The following CPLANE1 variants were observed in gnomAD, a reference collection of about 807,000 sequenced individuals.
CPLANE1 encodes the protein ciliogenesis and planar polarity effector 1.
A neutral mutation model predicts 362.5 loss-of-function variants in CPLANE1; 263 were observed. The observed-to-expected ratio is 0.73, with a 90% CI of 0.66 to 0.80. CPLANE1 has a LOEUF of 0.80. Ranked by LOEUF, CPLANE1 falls within the 30% of genes least tolerant of loss-of-function variation. The probability of loss-of-function intolerance (pLI) is 0.00; values close to 1 mark genes in which losing one functional copy is unlikely to be tolerated. For missense variants in CPLANE1, 3,461 were observed against 3,793.4 expected (o/e 0.91, Z 2.30); for synonymous variants, 1,212 against 1,302.6 (o/e 0.93, Z 1.50).
At chr5:37,205,662 C>T (rs1790505510) in intron 17 of CPLANE1, among the ~76,000 whole-genome samples, 1 of 152,178 alleles carries the variant, frequency 6.6e-6, no homozygotes, top group African/African-American at 2.4e-5. Context: ...ATTCTTATTT[C>T]TAATTGCTAC....
At chr5:37,160,566 C>CAA (rs777302133) in intron 38 of CPLANE1, among the ~76,000 whole-genome samples, 424 of 98,192 alleles carry the variant, frequency 4.3e-3, no homozygotes, top group Non-Finnish European at 7.2e-3. Flanking sequence ...GACTCCATCT[C>CAA]AAAAAAAAAA....
downstream of CPLANE1, among the ~76,000 whole-genome samples, chr5:37,103,731 G>T (rs1757408514): frequency 6.6e-6 from 1 of 152,204 alleles, no homozygotes; most frequent in African/African-American, 2.4e-5. Context: ...TCCACTGAGA[G>T]ATATGATGTT....
chr5:37,081,646 T>G, the CPLANE1 span, among the ~76,000 whole-genome samples: 13 of 151,808 alleles, frequency 8.6e-5, no homozygotes, highest in Non-Finnish European at 1.9e-4. Context: ...TTAAGGAGAA[T>G]GGAAAGACAA....
chr5:37,202,946 A>G (rs186040231), intron 18 of CPLANE1, among the ~76,000 whole-genome samples: 2 of 150,538 alleles, frequency 1.3e-5, no homozygotes, highest in African/African-American at 4.9e-5. Context: ...TATTTTATAT[A>G]TATATATGTA....
chr5:37,090,026 C>A, the CPLANE1 span, among the ~76,000 whole-genome samples: 2 of 152,248 alleles, frequency 1.3e-5, no homozygotes, highest in East Asian at 3.9e-4. Context: ...AATCATTTAC[C>A]TGAAAAAGTA....
At position 37,153,865 on chromosome 5, in the gene CPLANE1, G is replaced by C. The variant is rs143060853; in HGVS notation, c.8248C>G (p.Gln2750Glu). Residue 2750 changes from glutamine to glutamate, a missense_variant, in exon 42 of 53, where the codon CAA becomes GAA. Coordinates refer to ENST00000651892, the MANE Select transcript of CPLANE1 (RefSeq NM_001384732.1). ...ACPAPSSAAH[Q>E]LEHLSAKLQK... The stretch of plus-strand genomic sequence containing the variant: ...AGCTTAGCACTGAGATGCTCTAGTT[G>C]GTGAGCTGCAGAGCTTGGTGCAGGG... The C allele has an allele frequency of 3.0e-5, 48 of 1,614,090 alleles. No homozygotes were observed. In the East Asian group the frequency reaches 1.0e-3, roughly 34 times the overall value.
intron 29 of CPLANE1, 123 bp downstream of exon 29, chr5:37,179,238 T>C (rs960887552): frequency 7.6e-6 from 5 of 659,772 alleles, no homozygotes; most frequent in African/African-American, 7.3e-5. Context: ...CTACAACCCA[T>C]GGTGCATTTT....
At chr5:37,221,081 A>G (rs1195070245) in intron 15 of CPLANE1, among the ~76,000 whole-genome samples, 3 of 152,224 alleles carry the variant, frequency 2.0e-5, no homozygotes, top group African/African-American at 4.8e-5. Flanking sequence ...TGAGAGTCCA[A>G]AATCCAACAT....
At position 37,160,949 on chromosome 5, in the gene CPLANE1, G is replaced by A. The variant is rs564840710; in HGVS notation, c.7690+1516C>T. Among the ~76,000 whole-genome samples, 3 of 152,234 alleles carry A rather than the reference G, an allele frequency of 2.0e-5. No homozygotes were observed. The East Asian group carries it at 5.8e-4, about 29-fold the overall frequency. ...GCCTCCCAAAGTGCTGGGATTACAG[G>A]CGTGAGCCACCGCGCCCAGCCTATA... On this transcript the variant is annotated intron_variant, in intron 38 of 52. Coordinates refer to ENST00000651892, the MANE Select transcript of CPLANE1 (RefSeq NM_001384732.1).
At position 37,170,104 on chromosome 5, in the gene CPLANE1, C is replaced by G. The variant is rs2150952089; in HGVS notation, c.6399G>C (p.Lys2133Asn). Reference protein sequence around the residue: ...SMGENAREPRKNSPHCHEGTI... With the variant: ...SMGENAREPRNNSPHCHEGTI... ...TTCCTTCATGGCAGTGTGGGCTGTT[C>G]TTGCGAGGCTCTCTGGCGTTCTCTC... is the stretch of plus-strand genomic sequence containing the variant. Residue 2133 changes from lysine (K) to asparagine (N), a missense_variant, in exon 33 of 53, where the codon AAG becomes AAC. This residue lies in a region of CPLANE1 where 3,380 missense variants were observed against 3,666.1 expected (regional missense o/e 0.92). Coordinates refer to ENST00000651892, the MANE Select transcript of CPLANE1 (RefSeq NM_001384732.1). 1.2e-6 allele frequency: 2 copies of G among 1,614,016 alleles called. No individual in the cohort carries two copies.
intron 44 of CPLANE1, chr5:37,140,501 C>G: frequency 1.0e-6 from 1 of 983,658 alleles, no homozygotes; most frequent in African/African-American, 1.7e-5. Flanking sequence ...TAGTTCTACC[C>G]CTTATAGCTT....
In CPLANE1 at chr5:37,170,101, G is replaced by A. The variant is rs1779354610; in HGVS notation, c.6402C>T (p.Asn2134=). The A allele has an allele frequency of 1.2e-6, 2 of 1,614,134 alleles. No homozygotes were observed. Among genetic ancestry groups the A allele is most frequent in the South Asian group, 1.1e-5 (1 of 91,082 alleles). ...TAGTTCCTTCATGGCAGTGTGGGCT[G>A]TTCTTGCGAGGCTCTCTGGCGTTCT... ...MGENAREPRK[N]SPHCHEGTIP... Residue 2134 remains asparagine, a synonymous_variant, in exon 33 of 53, where the codon AAC becomes AAT. Transcript: ENST00000651892.
rs372589075 is a variant in CPLANE1 at position 37,107,574 on chromosome 5, T to G, written c.*28A>C. ...ACCACATTACTGAGGTGCTGGCCTG[T>G]GCATGGAAACCCAATGATATCCAGG... is the stretch of plus-strand genomic sequence containing the variant. On this transcript the variant is annotated 3_prime_UTR_variant, in exon 53 of 53. Coordinates refer to ENST00000651892, the MANE Select transcript of CPLANE1 (RefSeq NM_001384732.1). The G allele has an allele frequency of 3.4e-5, 54 of 1,586,604 alleles. No individual in the cohort carries two copies. Among genetic ancestry groups the G allele is most frequent in the Non-Finnish European group, 4.3e-5 (50 of 1,163,582 alleles).
intron 20 of CPLANE1, among the ~76,000 whole-genome samples, chr5:37,198,158 A>T (rs139727369): frequency 6.6e-6 from 1 of 152,216 alleles, no homozygotes; most frequent in African/African-American, 2.4e-5. Flanking sequence ...CAGGTGTCCT[A>T]TCTGGCTAGA....
intron 16 of CPLANE1, among the ~76,000 whole-genome samples, chr5:37,208,142 G>T (rs1343464725): frequency 6.6e-6 from 1 of 152,150 alleles, no homozygotes; most frequent in Non-Finnish European, 1.5e-5. Context: ...TAGAGACAGG[G>T]TTTCATAATG....
intron 17 of CPLANE1, among the ~76,000 whole-genome samples, chr5:37,205,732 G>T (rs924788849): frequency 5.3e-5 from 8 of 152,000 alleles, no homozygotes; most frequent in African/African-American, 1.9e-4. Flanking sequence ...TGTTTGTTTT[G>T]AGACAGGGTC....
At chr5:37,094,877 A>G in the CPLANE1 span, among the ~76,000 whole-genome samples, 2 of 152,174 alleles carry the variant, frequency 1.3e-5, no homozygotes, top group Non-Finnish European at 2.9e-5. Flanking sequence ...TCCTACCTTA[A>G]ATCAGGAAGA....
rs1272075709 is a variant in CPLANE1 at position 37,187,519 on chromosome 5, C to T, written c.3975G>A (p.Val1325=). The change falls in exon 23 of 53, where the codon GTG becomes GTA. Residue 1325 remains valine, a synonymous_variant. Coordinates refer to ENST00000651892, the MANE Select transcript of CPLANE1 (RefSeq NM_001384732.1). ...AAGGCAGCATTCTATAAGCCCATTC[C>T]ACTGCACTAAGACAGTGCTCAATCA... ...SCMIEHCLSA[V]EWAYRMLPFS... 2.6e-5 allele frequency: 42 copies of T among 1,613,274 alleles called. No homozygotes were observed. Among genetic ancestry groups the T allele is most frequent in the Non-Finnish European group, 3.4e-5 (40 of 1,179,574 alleles).
chr5:37,233,442 A>G lies in CPLANE1; in HGVS notation c.939-2393T>C, dbSNP rs553991323. 6.6e-5 allele frequency among the ~76,000 whole-genome samples: 10 copies of G among 152,122 alleles called. No individual in the cohort carries two copies. The South Asian group carries it at 2.1e-3, about 32-fold the overall frequency. On this transcript the variant is annotated intron_variant, in intron 8 of 52. Transcript: ENST00000651892. ...CATTTTGACTGTTTAGAGCTGGGCT[A>G]CGTCCCACCCTTGGGCTGAGTTTGG...
Sources: gnomAD v4.1 joint callset for allele counts (sites outside exome capture counted in the v4.1 genomes callset) on GRCh38, gnomAD v4.1.1 for gene constraint, gnomAD v4.1.1 regional missense constraint, MANE v1.5 for transcripts, NCBI Gene and HGNC (gene_info 2026-07-23, HGNC 2026-07-21) for gene names.